Variants in TTLL5 observed in about 807,000 individuals in gnomAD.
TTLL5 encodes tubulin polyglutamylase TTLL5.
TTLL5 carries 132 observed loss-of-function variants against 168.4 expected under a neutral mutation model. That is an observed-to-expected ratio of 0.78 (90% CI 0.68 to 0.91). The LOEUF is 0.91. Among genes scored for constraint, TTLL5 ranks in the 40% least tolerant of loss-of-function variants. The pLI is 0.00. For synonymous variants in TTLL5, 546 were observed against 558.6 expected (o/e 0.98, Z 0.32); for missense variants, 1,545 against 1,581.5 (o/e 0.98, Z 0.39).
intron 12 of TTLL5, among the ~76,000 whole-genome samples, chr14:75,728,392 A>T (rs912385030): frequency 1.3e-5 from 2 of 151,864 alleles, no homozygotes; most frequent in African/African-American, 2.4e-5. Context: ...AAAGAGACTA[A>T]AGAGAAAGAT....
chr14:75,757,547 G>A lies in TTLL5; in HGVS notation c.1550+4592G>A, dbSNP rs367999416. Among the ~76,000 whole-genome samples, 98 of 152,312 alleles carry A rather than the reference G, an allele frequency of 6.4e-4. No homozygotes were observed. In the South Asian group the frequency reaches 0.02, roughly 31 times the overall value. Reference sequence around the variant, plus strand: ...ACATGGTGGTTGTGATGAATAAGCAGTTTGCTTTGTAAATAGATAAGCAAG... The same window carrying A: ...ACATGGTGGTTGTGATGAATAAGCAATTTGCTTTGTAAATAGATAAGCAAG... On this transcript the variant is annotated intron_variant, in intron 18 of 31. Coordinates refer to ENST00000298832, the MANE Select transcript of TTLL5 (RefSeq NM_015072.5).
intron 5 of TTLL5, among the ~76,000 whole-genome samples, chr14:75,685,767 A>G (rs1394533569): frequency 1.3e-5 from 2 of 152,212 alleles, no homozygotes; most frequent in South Asian, 2.1e-4. Context: ...CCAGGTAAAT[A>G]TGTACCTAGA....
intron 26 of TTLL5, among the ~76,000 whole-genome samples, chr14:75,791,985 T>C (rs953763912): frequency 6.6e-6 from 1 of 151,968 alleles, no homozygotes. Flanking sequence ...CATAGCTCAC[T>C]GTAACCTTGA....
chr14:75,671,878 C>T (rs1163584525), intron 3 of TTLL5, among the ~76,000 whole-genome samples: 2 of 152,096 alleles, frequency 1.3e-5, no homozygotes, highest in Non-Finnish European at 2.9e-5. Context: ...TCTTTTTCTT[C>T]CCTAATTGTT....
intron 31 of TTLL5, among the ~76,000 whole-genome samples, chr14:75,929,744 C>T (rs2142163): frequency 0.78 from 119,041 of 152,016 alleles, 46,720 homozygotes; most frequent in Admixed American, 0.83. Flanking sequence ...TGAGCCACTA[C>T]GCCCGGCCAA....
intron 13 of TTLL5, among the ~76,000 whole-genome samples, 168 bp downstream of exon 13, chr14:75,732,587 G>A (rs911239940): frequency 6.6e-6 from 1 of 152,012 alleles, no homozygotes; most frequent in Admixed American, 6.6e-5. Flanking sequence ...TAATATCAAA[G>A]TGCATATGAC....
At chr14:75,711,050 G>A (rs1293327776) in intron 9 of TTLL5, 6 of 152,128 alleles carry the variant, frequency 3.9e-5, no homozygotes, top group African/African-American at 1.4e-4. Flanking sequence ...AAGTTATTTT[G>A]TGTAAAATTT....
intron 31 of TTLL5, among the ~76,000 whole-genome samples, chr14:75,921,245 CTT>C (rs2033815293): frequency 6.6e-6 from 1 of 152,128 alleles, no homozygotes; most frequent in Non-Finnish European, 1.5e-5. Context: ...TCCCATTTGT[CTT>C]TTTTGGCTTT....
At chr14:75,914,033 A>AAAAAAAAAAAAAATATATATATATATAT in intron 31 of TTLL5, among the ~76,000 whole-genome samples, 3 of 71,100 alleles carry the variant, frequency 4.2e-5, no homozygotes, top group African/African-American at 3.1e-4. Flanking sequence ...AAAAAAAAAA[A>AAAAAAAAAAAAAATATATATATATATAT]ATATATATAT....
At chr14:75,943,701 T>C (rs1200940255) in intron 31 of TTLL5, among the ~76,000 whole-genome samples, 6 of 152,124 alleles carry the variant, frequency 3.9e-5, no homozygotes. Flanking sequence ...TAAAGAAACA[T>C]GGCACCATGA....
intron 28 of TTLL5, among the ~76,000 whole-genome samples, chr14:75,821,477 A>G (rs1341183060): frequency 6.6e-6 from 1 of 152,226 alleles, no homozygotes; most frequent in Non-Finnish European, 1.5e-5. Context: ...TTTTTATGGA[A>G]GACATTTTCA....
At chr14:75,889,033 T>C (rs1477330321) in intron 30 of TTLL5, among the ~76,000 whole-genome samples, 1 of 151,910 alleles carries the variant, frequency 6.6e-6, no homozygotes, top group African/African-American at 2.4e-5. Context: ...AAATACCTAA[T>C]GTGTATTCTT....
At chr14:75,819,108 G>A (rs1167185826) in intron 27 of TTLL5, among the ~76,000 whole-genome samples, 4 of 152,116 alleles carry the variant, frequency 2.6e-5, no homozygotes, top group African/African-American at 4.8e-5. Context: ...TGTGTGCGAC[G>A]TACTCATTTA....
chr14:75,832,938 A>C (rs1163989412), intron 28 of TTLL5, among the ~76,000 whole-genome samples: 2 of 151,902 alleles, frequency 1.3e-5, no homozygotes, highest in Non-Finnish European at 2.9e-5. Context: ...TCTCTCTTTT[A>C]ACCACCTCTG....
intron 31 of TTLL5, among the ~76,000 whole-genome samples, chr14:75,924,538 A>G (rs1026568895): frequency 1.3e-5 from 2 of 151,824 alleles, no homozygotes; most frequent in Non-Finnish European, 2.9e-5. Flanking sequence ...ATCTTGCACC[A>G]CCCTTAATCC....
intron 31 of TTLL5, among the ~76,000 whole-genome samples, chr14:75,910,274 A>T (rs2033319734): frequency 6.6e-6 from 1 of 152,172 alleles, no homozygotes. Flanking sequence ...ACAGAAGCAC[A>T]CACACCTCTT....
At chr14:75,806,105 A>ACTACAAT (rs1893639112) in intron 27 of TTLL5, among the ~76,000 whole-genome samples, 1 of 149,618 alleles carries the variant, frequency 6.7e-6, no homozygotes. Context: ...ATCTCAGCTC[A>ACTACAAT]CTACAATCTC....
intron 30 of TTLL5, among the ~76,000 whole-genome samples, chr14:75,890,186 G>T (rs192771684): frequency 9.8e-4 from 150 of 152,298 alleles, no homozygotes; most frequent in African/African-American, 3.6e-3. Flanking sequence ...TAGGGAAGAT[G>T]CTGAGAGTCG....
intron 9 of TTLL5, 198 bp from the exon 10 acceptor site, chr14:75,717,663 T>A (rs1887562404): frequency 1.8e-6 from 1 of 551,488 alleles, no homozygotes; most frequent in South Asian, 2.3e-5. Context: ...TATTATCTAC[T>A]TCATAGGGTT....
Sources: allele counts gnomAD v4.1 joint callset (sites outside exome capture counted in the v4.1 genomes callset), GRCh38; gene constraint gnomAD v4.1.1; transcripts MANE v1.5; gene names NCBI Gene and HGNC (gene_info 2026-07-23, HGNC 2026-07-21).